The following ATP10B variants were observed in gnomAD, a reference collection of about 807,000 sequenced individuals.
ATP10B encodes the protein ATPase phospholipid transporting 10B (putative).
In ATP10B, 122 loss-of-function variants were observed where a neutral mutation model predicts 141.2. The observed-to-expected ratio is 0.86, with a 90% CI of 0.75 to 1.00. The LOEUF (loss-of-function observed/expected upper bound fraction) is 1.00, where lower values mean the gene tolerates loss of function less well. Ranked by LOEUF, ATP10B falls within the 50% of genes least tolerant of loss-of-function variation. ATP10B has a pLI of 0.00. For synonymous variants in ATP10B, 685 were observed against 692.0 expected (o/e 0.99, Z 0.16); for missense variants, 1,876 against 1,825.3 (o/e 1.03, Z -0.51).
the ATP10B span, among the ~76,000 whole-genome samples, chr5:160,858,422 CT>C: frequency 6.1e-4 from 93 of 151,742 alleles, no homozygotes; most frequent in Non-Finnish European, 2.9e-5. Context: ...CTTTGTCTAT[CT>C]TTTTTTTAAA....
chr5:160,893,528 AG>A, the ATP10B span, among the ~76,000 whole-genome samples: 2 of 152,210 alleles, frequency 1.3e-5, no homozygotes, highest in African/African-American at 2.4e-5. Flanking sequence ...CATCTCTGAA[AG>A]AAAGGCAGCA....
the ATP10B span, among the ~76,000 whole-genome samples, chr5:160,908,003 A>C: frequency 2.6e-5 from 4 of 152,146 alleles, no homozygotes; most frequent in Admixed American, 6.6e-5. Flanking sequence ...ATGGTCTCCC[A>C]ACTTAAACAG....
At chr5:160,580,360 GT>G (rs1355193890) in intron 24 of ATP10B, among the ~76,000 whole-genome samples, 13 of 152,188 alleles carry the variant, frequency 8.5e-5, no homozygotes, top group Non-Finnish European at 1.9e-4. Flanking sequence ...TTTATTGAGA[GT>G]TTTTAGCATT....
At chr5:160,874,046 G>A in the ATP10B span, among the ~76,000 whole-genome samples, 12 of 152,302 alleles carry the variant, frequency 7.9e-5, 1 homozygote, top group South Asian at 2.5e-3. Context: ...GCTCAAGGAG[G>A]CCTGCCTGCC....
chr5:160,796,608 G>A (rs940001917), intron 1 of ATP10B, among the ~76,000 whole-genome samples: 43 of 152,094 alleles, frequency 2.8e-4, no homozygotes, highest in African/African-American at 1.0e-3. Context: ...AGCTGGTCGC[G>A]CCCTTCCAAA....
At chr5:160,869,020 A>C in the ATP10B span, among the ~76,000 whole-genome samples, 1 of 152,204 alleles carries the variant, frequency 6.6e-6, no homozygotes, top group Non-Finnish European at 1.5e-5. Context: ...TGCTTCTGCC[A>C]TCTTGGCTAT....
chr5:160,785,096 T>C (rs11953648), intron 2 of ATP10B, among the ~76,000 whole-genome samples: 1 of 151,968 alleles, frequency 6.6e-6, no homozygotes, highest in Non-Finnish European at 1.5e-5. Flanking sequence ...TGGAGACTGA[T>C]GAAAGAGACA....
the ATP10B span, among the ~76,000 whole-genome samples, chr5:160,879,482 C>T: frequency 4.2e-5 from 6 of 141,240 alleles, no homozygotes; most frequent in South Asian, 2.4e-4. Flanking sequence ...CACATGTATA[C>T]GTATGTAACT....
rs981680465 is a variant in ATP10B, at chr5:160,564,143, A to G, written c.*1310T>C. 2.0e-5 allele frequency: 3 copies of G among 152,116 alleles called. No homozygotes were observed. The highest frequency in any genetic ancestry group is 4.8e-5 in the African/African-American group (2 of 41,408). 9.4% of individuals were successfully genotyped at this position (152,116 alleles called of 1,614,324 possible). ...GTAGGCTCAAAGACTCACCACACTT[A>G]TTGCATCTATTTCTGTACTTTTTGC... On this transcript the variant is annotated 3_prime_UTR_variant, in exon 26 of 26. Coordinates refer to ENST00000327245, the MANE Select transcript of ATP10B (RefSeq NM_025153.3).
the ATP10B span, among the ~76,000 whole-genome samples, chr5:160,874,516 G>A: frequency 3.3e-5 from 5 of 152,192 alleles, no homozygotes; most frequent in South Asian, 2.1e-4. Flanking sequence ...CATCAGCAAC[G>A]GACCAAAGCT....
At chr5:160,742,191 C>T (rs866828151) in intron 2 of ATP10B, among the ~76,000 whole-genome samples, 3 of 152,244 alleles carry the variant, frequency 2.0e-5, no homozygotes, top group African/African-American at 7.2e-5. Context: ...AGGAGAGTAT[C>T]TTGAAATATG....
intron 3 of ATP10B, among the ~76,000 whole-genome samples, chr5:160,693,909 G>A (rs1170117961): frequency 1.3e-5 from 2 of 152,230 alleles, no homozygotes; most frequent in Admixed American, 6.5e-5. Context: ...ACTGCTATGG[G>A]CCCGTGGCCC....
chr5:160,583,631 C>G (rs1755696944), intron 24 of ATP10B, among the ~76,000 whole-genome samples: 1 of 152,192 alleles, frequency 6.6e-6, no homozygotes, highest in Non-Finnish European at 1.5e-5. Context: ...TGCCTACAGC[C>G]ACCCCTACCC....
chr5:160,837,216 G>A (rs1260472495), intron 1 of ATP10B, among the ~76,000 whole-genome samples: 1 of 152,110 alleles, frequency 6.6e-6, no homozygotes, highest in African/African-American at 2.4e-5. Context: ...CTTAAAAGCA[G>A]ATATTACAAA....
intron 24 of ATP10B, among the ~76,000 whole-genome samples, chr5:160,588,641 TG>T (rs1756070940): frequency 6.6e-6 from 1 of 152,148 alleles, no homozygotes; most frequent in Non-Finnish European, 1.5e-5. Flanking sequence ...TTAAACTGCT[TG>T]GGGGCAAGTT....
chr5:160,795,901 C>T (rs1475190498), intron 1 of ATP10B, among the ~76,000 whole-genome samples: 1 of 152,092 alleles, frequency 6.6e-6, no homozygotes, highest in African/African-American at 2.4e-5. Context: ...TAAGAGAATG[C>T]ATTTCTGTTG....
At chr5:160,812,014 C>CAGAG (rs759424951) in intron 1 of ATP10B, among the ~76,000 whole-genome samples, 1 of 117,930 alleles carries the variant, frequency 8.5e-6, no homozygotes, top group African/African-American at 3.3e-5. Flanking sequence ...GAGACAGAGA[C>CAGAG]AGAGACAGAG....
rs1176926311 is a variant in ATP10B, at chr5:160,748,362, A to G, written c.-330-31328T>C. Among the ~76,000 whole-genome samples the G allele has an allele frequency of 3.3e-5, 5 of 152,162 alleles. No homozygotes were observed. In the East Asian group the frequency reaches 9.7e-4, roughly 29 times the overall value. On this transcript the variant is annotated intron_variant, in intron 2 of 25. Transcript: ENST00000327245. Reference sequence around the variant, plus strand: ...ACAGCTTTTTTCTTTTCCCTTCCTCATTGCTTAATCTATCCACTTCCTGAT... The same window carrying G: ...ACAGCTTTTTTCTTTTCCCTTCCTCGTTGCTTAATCTATCCACTTCCTGAT...
chr5:160,835,046 C>G (rs913975837), intron 1 of ATP10B, among the ~76,000 whole-genome samples: 1 of 152,024 alleles, frequency 6.6e-6, no homozygotes, highest in African/African-American at 2.4e-5. Context: ...ATATAGATTA[C>G]TGATGAGGCT....
Sources: gnomAD v4.1 joint callset for allele counts (sites outside exome capture counted in the v4.1 genomes callset) on GRCh38, gnomAD v4.1.1 for gene constraint, MANE v1.5 for transcripts, NCBI Gene and HGNC (gene_info 2026-07-23, HGNC 2026-07-21) for gene names.